The following TNNI1 variants were observed in gnomAD, a reference collection of about 807,000 sequenced individuals.
TNNI1 encodes troponin I, slow skeletal muscle.
Under a neutral mutation model 26.7 loss-of-function variants are expected in TNNI1, and 14 were observed. The observed-to-expected ratio is 0.52, with a 90% CI of 0.35 to 0.82. The LOEUF is 0.82. TNNI1 is among the 40% of genes least tolerant of loss of function. The pLI is 0.01. For missense variants in TNNI1, 164 were observed against 257.0 expected, an observed-to-expected ratio of 0.64 and a Z score of 2.47; for synonymous variants, 79 against 98.2, an observed-to-expected ratio of 0.80 and a Z score of 1.16.
At position 201,414,664 on chromosome 1, in the gene TNNI1, C is replaced by A; in HGVS notation, c.58-15G>T. On this transcript the variant is annotated splice_polypyrimidine_tract_variant and intron_variant, in intron 4 of 8. Coordinates refer to ENST00000361379, the MANE Select transcript of TNNI1 (RefSeq NM_003281.4). ...AGCATCAGGCTCTGGACAGGACACA[C>A]CTGCTGAGCTGGGGGCCTCACATCT... 1 of 1,609,410 alleles carries A rather than the reference C, an allele frequency of 6.2e-7. No individual in the cohort carries two copies.
rs1019068960 is a variant in TNNI1 at position 201,412,905 on chromosome 1, A to G, written c.279+127T>C. 4 of 907,520 alleles carry G rather than the reference A, an allele frequency of 4.4e-6. No individual in the cohort carries two copies. The African/African-American group carries it at 6.5e-5, about 15-fold the overall frequency. The allele number at this position is 907,520 out of a possible 1,614,324, so 56.2% of individuals were successfully genotyped here. On this transcript the variant is annotated intron_variant, in intron 6 of 8. Coordinates refer to ENST00000361379, the MANE Select transcript of TNNI1 (RefSeq NM_003281.4). Reference sequence around the variant, plus strand: ...TATGGGGCTAGGGCAGACAAACCAAAGTTTCCTGCTTAAGTGGCCCCTTCC... The same window carrying G: ...TATGGGGCTAGGGCAGACAAACCAAGGTTTCCTGCTTAAGTGGCCCCTTCC...
At position 201,415,193 on chromosome 1, in the gene TNNI1, C is replaced by G; in HGVS notation, c.57+20G>C. The stretch of plus-strand genomic sequence containing the variant: ...CTGCCTCCCACTGGGCATCCCCCCA[C>G]AGCCAGCCCCCAGCCTCACCTTCAG... On this transcript the variant is annotated intron_variant, in intron 4 of 8. Coordinates refer to ENST00000361379, the MANE Select transcript of TNNI1 (RefSeq NM_003281.4). The G allele has an allele frequency of 6.2e-7, 1 of 1,610,876 alleles. No individual in the cohort carries two copies. The highest frequency in any genetic ancestry group is 8.5e-7 in the Non-Finnish European group (1 of 1,177,526).
chr1:201,418,558 AG>A (rs2102373960), intron 1 of TNNI1, among the ~76,000 whole-genome samples: 1 of 152,078 alleles, frequency 6.6e-6, no homozygotes, highest in South Asian at 2.1e-4. Flanking sequence ...CTGTGGAATA[AG>A]GGTGGTCATT....
chr1:201,419,941 T>C (rs1662825137), intron 1 of TNNI1, among the ~76,000 whole-genome samples: 1 of 152,154 alleles, frequency 6.6e-6, no homozygotes, highest in Non-Finnish European at 1.5e-5. Context: ...GCTCTGCTTC[T>C]CCAAAGACAC....
In TNNI1 at chr1:201,417,771, G is replaced by A; in HGVS notation, c.11+12C>T. The A allele has an allele frequency of 7.6e-7, 1 of 1,314,106 alleles. No individual in the cohort carries two copies. Among genetic ancestry groups the A allele is most frequent in the Non-Finnish European group, 9.8e-7 (1 of 1,022,458 alleles). 81.4% of individuals were successfully genotyped at this position (1,314,106 alleles called of 1,614,324 possible). A position where few individuals can be genotyped will look rare whatever the true frequency, so the allele number is the denominator to read the frequency against. ...CCTTCCTGGGGCCCCAGATGGCAGT[G>A]AGACTACTTACACTTCCGGCATGGT... On this transcript the variant is annotated intron_variant, in intron 2 of 8. Coordinates refer to ENST00000361379, the MANE Select transcript of TNNI1 (RefSeq NM_003281.4).
chr1:201,410,238 T>G, intron 8 of TNNI1, 88 bp downstream of exon 8: 1 of 1,203,000 alleles, frequency 8.3e-7, no homozygotes, highest in Non-Finnish European at 1.2e-6. Flanking sequence ...TGCACCACAC[T>G]AAGTACAACC....
chr1:201,419,653 C>T lies in TNNI1; in HGVS notation c.-19-1841G>A, dbSNP rs1044641375. 1.2e-4 allele frequency among the ~76,000 whole-genome samples: 18 copies of T among 152,348 alleles called. No individual in the cohort carries two copies. In the South Asian group the frequency reaches 1.7e-3, roughly 14 times the overall value. ...CCTCTGCCCTAATTCTCTCCTTTCC[C>T]TTTGTGCCCATGAAGCACTATCCCA... is the stretch of plus-strand genomic sequence containing the variant. On this transcript the variant is annotated intron_variant, in intron 1 of 8. Transcript: ENST00000361379.
chr1:201,415,549 C>T (rs1662719249), intron 3 of TNNI1, among the ~76,000 whole-genome samples: 1 of 143,936 alleles, frequency 6.9e-6, no homozygotes, highest in African/African-American at 2.6e-5. Flanking sequence ...GCACCTCCTT[C>T]CTCATCTGTA....
rs911268050 is a variant in TNNI1, at chr1:201,407,351, T to A, written c.*1902A>T. 6 of 152,290 alleles carry A rather than the reference T, an allele frequency of 3.9e-5. No homozygotes were observed. Among genetic ancestry groups the A allele is most frequent in the African/African-American group, 1.2e-4 (5 of 41,462 alleles). The allele number at this position is 152,290 out of a possible 1,614,324, so 9.4% of individuals were successfully genotyped here. Reference sequence around the variant, plus strand: ...ACGGGTTTCTGTGTGTGATTGGGGTTGTGCTTTTTGCACACATCTGCCTCT... The same window carrying A: ...ACGGGTTTCTGTGTGTGATTGGGGTAGTGCTTTTTGCACACATCTGCCTCT... On this transcript the variant is annotated 3_prime_UTR_variant, in exon 9 of 9. Transcript: ENST00000361379.
In TNNI1 at chr1:201,411,698, C is replaced by T. The variant is rs777510893; in HGVS notation, c.280-165G>A. On this transcript the variant is annotated intron_variant, in intron 6 of 8. Transcript: ENST00000361379. The surrounding 1 kb of genome is among the most constrained non-coding windows in gnomAD (Gnocchi z 4.6). ...CACCAACCTTTTTGTCACCAGGGACCGGTTTTGTGGAAGACACTTTTTCCA... is the reference window on the plus strand; with the variant it reads ...CACCAACCTTTTTGTCACCAGGGACTGGTTTTGTGGAAGACACTTTTTCCA... 5.3e-5 allele frequency among the ~76,000 whole-genome samples: 8 copies of T among 152,156 alleles called. No homozygotes were observed. The highest frequency in any genetic ancestry group is 4.6e-4 in the Admixed American group (7 of 15,278).
chr1:201,415,927 G>T (rs1476559679), intron 3 of TNNI1, among the ~76,000 whole-genome samples: 3 of 152,130 alleles, frequency 2.0e-5, no homozygotes, highest in Non-Finnish European at 2.9e-5. Flanking sequence ...TAGTAGGGCT[G>T]CTTGGTCCCC....
At chr1:201,415,393 G>T in intron 3 of TNNI1, 139 bp from the exon 4 acceptor site, 1 of 848,988 alleles carries the variant, frequency 1.2e-6, no homozygotes, top group Non-Finnish European at 1.9e-6. Context: ...TGCCTTAAAA[G>T]CTCATCTTTG....
rs1435377120 is a variant in TNNI1 at position 201,405,222 on chromosome 1, C to G, written c.*4031G>C. ...TGACCTTGAGCAAGTCACCCTCCCT[C>G]TCTGGTCCTTCGGACATTGACCGCA... On this transcript the variant is annotated 3_prime_UTR_variant, in exon 9 of 9. Transcript: ENST00000361379. 1 of 152,782 alleles carries G rather than the reference C, an allele frequency of 6.5e-6. No homozygotes were observed. Among genetic ancestry groups the G allele is most frequent in the Non-Finnish European group, 1.5e-5 (1 of 68,134 alleles). The allele number at this position is 152,782 out of a possible 1,614,324, so 9.5% of individuals were successfully genotyped here. A position where few individuals can be genotyped will look rare whatever the true frequency, so the allele number is the denominator to read the frequency against.
chr1:201,420,438 G>A (rs74348512), intron 1 of TNNI1, among the ~76,000 whole-genome samples: 5 of 152,134 alleles, frequency 3.3e-5, no homozygotes, highest in Non-Finnish European at 7.4e-5. Flanking sequence ...TCCCCCCGAG[G>A]GGGGGAGCAA....
intron 7 of TNNI1, 51 bp from the exon 8 acceptor site, chr1:201,410,486 C>A (rs752112226): frequency 1.3e-6 from 2 of 1,526,514 alleles, no homozygotes; most frequent in Non-Finnish European, 1.8e-6. Flanking sequence ...GGACGGCCCC[C>A]CAGCTCAAGA....
chr1:201,414,100 C>T (rs1351833455), intron 5 of TNNI1, among the ~76,000 whole-genome samples: 2 of 152,236 alleles, frequency 1.3e-5, no homozygotes, highest in African/African-American at 2.4e-5. Context: ...GATATACTTC[C>T]TTCCAGTCTC....
Position 201,404,937 on chromosome 1 carries a change from C to T in TNNI1, c.*4316G>A, listed in dbSNP as rs1449391753. 6.6e-6 allele frequency: 1 copy of T among 152,548 alleles called. No homozygotes were observed. Among genetic ancestry groups the T allele is most frequent in the Non-Finnish European group, 1.5e-5 (1 of 68,268 alleles). The allele number at this position is 152,548 out of a possible 1,614,324, so 9.4% of individuals were successfully genotyped here. On this transcript the variant is annotated 3_prime_UTR_variant, in exon 9 of 9. Coordinates refer to ENST00000361379, the MANE Select transcript of TNNI1 (RefSeq NM_003281.4). ...CCCAGGGGCTCCCAGGTTGGAACAC[C>T]TCCCCTGACTGCCAGGCAAAGCCAT...
In TNNI1 at chr1:201,413,065, G is replaced by A. The variant is rs751527978; in HGVS notation, c.246C>T (p.Asp82=). ...KVEVVDEERY[D]IEAKCLHNTR... ...TGTTGTGGAGGCATTTGGCCTCAATGTCGTATCGCTCCTCATCCACCACCT... is the reference window on the plus strand; with the variant it reads ...TGTTGTGGAGGCATTTGGCCTCAATATCGTATCGCTCCTCATCCACCACCT... Residue 82 remains aspartate (D), a synonymous_variant, in exon 6 of 9, where the codon GAC becomes GAT. Transcript: ENST00000361379. 1.2e-6 allele frequency: 2 copies of A among 1,614,096 alleles called. No individual in the cohort carries two copies. The highest frequency in any genetic ancestry group is 1.1e-5 in the South Asian group (1 of 91,088).
At chr1:201,420,194 C>T (rs1034014723) in intron 1 of TNNI1, among the ~76,000 whole-genome samples, 16 of 152,248 alleles carry the variant, frequency 1.1e-4, no homozygotes, top group African/African-American at 3.9e-4. Flanking sequence ...TGCCAAGCTC[C>T]GGGGCCTGCC....
Sources: allele counts gnomAD v4.1 joint callset (sites outside exome capture counted in the v4.1 genomes callset), GRCh38; gene constraint gnomAD v4.1.1; non-coding constraint Gnocchi (gnomAD v3.1); transcripts MANE v1.5; gene names NCBI Gene and HGNC (gene_info 2026-07-23, HGNC 2026-07-21).